AGPS: variants seen among roughly 807,000 people sequenced by gnomAD.
The protein encoded by AGPS is alkylglycerone phosphate synthase.
Under a neutral mutation model 90.7 loss-of-function variants are expected in AGPS, and 26 were observed. The observed-to-expected ratio is 0.29, with a 90% CI of 0.21 to 0.40. The LOEUF is 0.40. AGPS is among the 10% of genes least tolerant of loss of function. The pLI is 1.00. For missense variants in AGPS, 540 were observed against 816.1 expected, an observed-to-expected ratio of 0.66 and a Z score of 4.12; for synonymous variants, 294 against 285.3, an observed-to-expected ratio of 1.03 and a Z score of -0.31.
chr2:177,445,524 T>C, intron 7 of AGPS, 22 bp from the exon 8 acceptor site: 1 of 1,594,392 alleles, frequency 6.3e-7, no homozygotes, highest in South Asian at 1.1e-5. Flanking sequence ...GGAGATCAGA[T>C]TTCTTTCTTC....
chr2:177,402,783 G>A (rs1052843432), intron 1 of AGPS, among the ~76,000 whole-genome samples: 28 of 152,066 alleles, frequency 1.8e-4, no homozygotes, highest in African/African-American at 6.8e-4. Flanking sequence ...CTGGCTGGCC[G>A]CGGTGGCTCA....
At chr2:177,479,109 C>T (rs747193165) in intron 10 of AGPS, among the ~76,000 whole-genome samples, 1 of 152,118 alleles carries the variant, frequency 6.6e-6, no homozygotes, top group Admixed American at 6.5e-5. Context: ...TGGCATGTTT[C>T]TATCTAAGTA....
intron 17 of AGPS, among the ~76,000 whole-genome samples, chr2:177,521,064 T>G (rs1437858677): frequency 6.6e-6 from 1 of 152,238 alleles, no homozygotes; most frequent in Non-Finnish European, 1.5e-5. Flanking sequence ...AAATTCTTGT[T>G]TTGCACTGCG....
At chr2:177,425,876 C>G (rs901314125) in intron 2 of AGPS, among the ~76,000 whole-genome samples, 2 of 152,012 alleles carry the variant, frequency 1.3e-5, no homozygotes, top group Non-Finnish European at 1.5e-5. Context: ...GCTATACAGG[C>G]TCTTTTTTGA....
chr2:177,532,215 A>G (rs999538743), intron 19 of AGPS, among the ~76,000 whole-genome samples: 2 of 152,182 alleles, frequency 1.3e-5, no homozygotes, highest in African/African-American at 4.8e-5. Flanking sequence ...TGCAAACCTT[A>G]TATCCAAGAA....
At chr2:177,495,010 C>T (rs1385825648) in intron 12 of AGPS, among the ~76,000 whole-genome samples, 2 of 152,138 alleles carry the variant, frequency 1.3e-5, no homozygotes, top group Admixed American at 6.6e-5. Flanking sequence ...AAAGCACATG[C>T]CATATTATTA....
chr2:177,442,557 A>C, intron 7 of AGPS, 71 bp downstream of exon 7: 1 of 1,299,692 alleles, frequency 7.7e-7, no homozygotes, highest in Non-Finnish European at 1.1e-6. Flanking sequence ...ATTAAAAAAG[A>C]ATCTAGCCAC....
rs1687305911 is a variant in AGPS, at chr2:177,461,982, C to T, written c.960C>T (p.Gly320=). 2 of 1,611,824 alleles carry T rather than the reference C, an allele frequency of 1.2e-6. No individual in the cohort carries two copies. The highest frequency in any genetic ancestry group is 1.7e-6 in the Non-Finnish European group (2 of 1,178,776). The change falls in exon 9 of 20, where the codon GGC becomes GGT. Residue 320 remains glycine, a synonymous_variant. Transcript: ENST00000264167. The stretch of plus-strand genomic sequence containing the variant: ...GATGGGTATCTACTCGCGCATCAGG[C>T]ATGAAGAAGAATATCTATGGCAATA... ...VGGWVSTRAS[G]MKKNIYGNIE...
At chr2:177,410,459 A>G (rs1685587377) in intron 1 of AGPS, among the ~76,000 whole-genome samples, 1 of 152,172 alleles carries the variant, frequency 6.6e-6, no homozygotes, top group South Asian at 2.1e-4. Context: ...GAGTCTGTGT[A>G]TATATTTACC....
rs140341210 is a variant in AGPS at position 177,448,574 on chromosome 2, C to T, written c.870+2948C>T. On this transcript the variant is annotated intron_variant, in intron 8 of 19. Transcript: ENST00000264167. ...CTCCAAAATGTGTCTGTTCTGTAGCCGCCTTCTTCTCTTCAGGAGATGGAA... is the reference window on the plus strand; with the variant it reads ...CTCCAAAATGTGTCTGTTCTGTAGCTGCCTTCTTCTCTTCAGGAGATGGAA... Among the ~76,000 whole-genome samples the T allele has an allele frequency of 3.2e-3, 486 of 152,224 alleles. 2 individuals carry two copies. Among genetic ancestry groups the T allele is most frequent in the African/African-American group, 0.011 (452 of 41,534 alleles).
At position 177,392,931 on chromosome 2, in the gene AGPS, C is replaced by T. The variant is rs1484968124; in HGVS notation, c.142C>T (p.Arg48Trp). The T allele has an allele frequency of 6.5e-7, 1 of 1,550,016 alleles. No homozygotes were observed. The highest frequency in any genetic ancestry group is 8.7e-7 in the Non-Finnish European group (1 of 1,146,782). ...GGTTCTCTCTGGCCATCTGCTGGGC[C>T]GGCCCCGGGAGGCTCTGAGTACCAA... ...LRVLSGHLLG[R>W]PREALSTNEC... The change falls in exon 1 of 20, where the codon CGG (arginine) becomes TGG (tryptophan). Residue 48 changes from arginine (R) to tryptophan (W), a missense_variant. By Grantham distance (101) the Arg-to-Trp change is moderately radical. This residue lies in a region of AGPS where 135 missense variants were observed against 124.0 expected (regional missense o/e 1.09). Coordinates refer to ENST00000264167, the MANE Select transcript of AGPS (RefSeq NM_003659.4).
At chr2:177,469,737 CT>C (rs1559060719) in intron 10 of AGPS, among the ~76,000 whole-genome samples, 1 of 152,058 alleles carries the variant, frequency 6.6e-6, no homozygotes, top group Admixed American at 6.5e-5. Context: ...ACGAAAATAG[CT>C]ATTAAAACTC....
At chr2:177,423,418 T>C (rs1015967815) in intron 2 of AGPS, among the ~76,000 whole-genome samples, 1 of 152,206 alleles carries the variant, frequency 6.6e-6, no homozygotes, top group African/African-American at 2.4e-5. Context: ...AGAGACTTTC[T>C]ATTCTGGCAG....
chr2:177,514,209 A>C (rs913456723), intron 17 of AGPS, among the ~76,000 whole-genome samples: 12 of 152,332 alleles, frequency 7.9e-5, no homozygotes, highest in Middle Eastern at 3.4e-3. Flanking sequence ...CTACTCACTG[A>C]AACTATAAAT....
intron 19 of AGPS, among the ~76,000 whole-genome samples, chr2:177,530,642 GTTTGGCC>G (rs1393979087): frequency 6.6e-6 from 1 of 152,108 alleles, no homozygotes; most frequent in East Asian, 1.9e-4. Flanking sequence ...CTCTTAGAGG[GTTTGGCC>G]TGTAATTGTG....
chr2:177,394,001 C>T (rs73025657), intron 1 of AGPS, among the ~76,000 whole-genome samples: 2,561 of 152,258 alleles, frequency 0.017, 69 homozygotes, highest in African/African-American at 0.056. Flanking sequence ...GTGCGGTTTT[C>T]TCCCATTTTA....
chr2:177,524,959 A>G (rs1008995048), intron 19 of AGPS, among the ~76,000 whole-genome samples: 5 of 152,190 alleles, frequency 3.3e-5, no homozygotes. Context: ...TCATTGTGTC[A>G]ATTTAATCTT....
At chr2:177,536,695 T>TTAAGGTTTTTTTTCTGCTGAACTTTC (rs1255235480) in intron 19 of AGPS, among the ~76,000 whole-genome samples, 3 of 152,112 alleles carry the variant, frequency 2.0e-5, no homozygotes, top group African/African-American at 7.2e-5. Context: ...CATTTTGAAT[T>TTAAGGTTTTTTTTCTGCTGAACTTTC]TAAGGTTTTT....
intron 1 of AGPS, among the ~76,000 whole-genome samples, chr2:177,408,035 G>A (rs1019546593): frequency 3.3e-5 from 5 of 152,220 alleles, no homozygotes; most frequent in African/African-American, 1.2e-4. Flanking sequence ...TCCCACCTCA[G>A]TCTCCTGAGT....
Sources: allele counts gnomAD v4.1 joint callset (sites outside exome capture counted in the v4.1 genomes callset), GRCh38; gene constraint gnomAD v4.1.1; regional missense constraint gnomAD v4.1.1; transcripts MANE v1.5; gene names NCBI Gene and HGNC (gene_info 2026-07-23, HGNC 2026-07-21).